Variants in SMARCC1 observed in about 807,000 individuals in gnomAD.
SMARCC1 encodes SWI/SNF related BAF chromatin remodeling complex subunit C1.
SMARCC1 carries 43 observed loss-of-function variants against 147.4 expected under a neutral mutation model. The ratio of observed to expected loss-of-function variants is 0.29; its 90% CI spans 0.23 to 0.38. The LOEUF is 0.38. SMARCC1 is among the 10% of genes least tolerant of loss of function. The pLI is 1.00. For missense variants in SMARCC1, 1,119 were observed against 1,381.1 expected (o/e 0.81, Z 3.01); for synonymous variants, 495 against 484.4 (o/e 1.02, Z -0.29).
rs576566614 is a variant in SMARCC1 at position 47,744,736 on chromosome 3, T to A, written c.401+1172A>T. ...CCTGACAACCCCACAGCTCAGGACA[T>A]CACTAGTCCCAGTAACTGATGGAAA... On this transcript the variant is annotated intron_variant, in intron 3 of 27. Transcript: ENST00000254480. Among the ~76,000 whole-genome samples the A allele has an allele frequency of 8.6e-5, 13 of 151,914 alleles. No individual in the cohort carries two copies. The East Asian group carries it at 2.5e-3, about 29-fold the overall frequency.
chr3:47,751,212 T>C (rs2034624779), intron 2 of SMARCC1, among the ~76,000 whole-genome samples: 1 of 152,096 alleles, frequency 6.6e-6, no homozygotes, highest in African/African-American at 2.4e-5. Context: ...AAGTAACTTT[T>C]ATTCAGCCAC....
intron 3 of SMARCC1, among the ~76,000 whole-genome samples, chr3:47,744,366 A>T (rs187118808): frequency 6.6e-6 from 1 of 152,138 alleles, no homozygotes; most frequent in Non-Finnish European, 1.5e-5. Flanking sequence ...TCTGGACTCG[A>T]ACTCCTGACC....
chr3:47,715,697 G>A (rs556300957), intron 7 of SMARCC1, among the ~76,000 whole-genome samples: 1 of 152,256 alleles, frequency 6.6e-6, no homozygotes, highest in South Asian at 2.1e-4. Flanking sequence ...AAAACCTAAC[G>A]ATGGCTTGCC....
chr3:47,770,018 G>A (rs1401538830), intron 2 of SMARCC1, among the ~76,000 whole-genome samples: 1 of 151,784 alleles, frequency 6.6e-6, no homozygotes, highest in Non-Finnish European at 1.5e-5. Context: ...GAGGTCAGGA[G>A]ATTGAGGCCA....
chr3:47,639,286 T>C (rs978236484), intron 21 of SMARCC1, among the ~76,000 whole-genome samples: 1 of 152,206 alleles, frequency 6.6e-6, no homozygotes, highest in Admixed American at 6.5e-5. Context: ...GGATATCATT[T>C]TGGCTAGACA....
intron 18 of SMARCC1, among the ~76,000 whole-genome samples, chr3:47,671,267 G>T (rs1346249928): frequency 1.3e-5 from 2 of 149,208 alleles, no homozygotes; most frequent in East Asian, 4.0e-4. Context: ...ATTTGGATAT[G>T]TTATTTCTAT....
chr3:47,644,051 G>C (rs1199630845), intron 21 of SMARCC1, among the ~76,000 whole-genome samples: 1 of 152,160 alleles, frequency 6.6e-6, no homozygotes, highest in East Asian at 1.9e-4. Flanking sequence ...GCTGGGCATG[G>C]TGATACGGTG....
chr3:47,750,309 C>T (rs937217932), intron 2 of SMARCC1, among the ~76,000 whole-genome samples: 3 of 152,092 alleles, frequency 2.0e-5, no homozygotes, highest in African/African-American at 7.2e-5. Flanking sequence ...GTGGTGCACG[C>T]CTGTAGTCCC....
chr3:47,618,243 T>C lies in SMARCC1; in HGVS notation c.2781+3964A>G, dbSNP rs2032674618. Among the ~76,000 whole-genome samples, 3 of 152,160 alleles carry C rather than the reference T, an allele frequency of 2.0e-5. No homozygotes were observed. In the South Asian group the frequency reaches 6.2e-4, roughly 31 times the overall value. ...TGTGTGATCTGATTAGAAAGTAACA[T>C]TTTTTAAAAGTCAAAAAGCTGGACA... On this transcript the variant is annotated intron_variant, in intron 25 of 27. Transcript: ENST00000254480.
Position 47,689,440 on chromosome 3 carries a change from A to C in SMARCC1, c.1226-16T>G, listed in dbSNP as rs762714823. ...TCCTGCTCATCTGCAAAACCAAAAC[A>C]CACAATTCATTTTAAAAACAGGTAA... is the stretch of plus-strand genomic sequence containing the variant. On this transcript the variant is annotated splice_polypyrimidine_tract_variant and intron_variant, in intron 12 of 27. Transcript: ENST00000254480. 1 of 1,608,682 alleles carries C rather than the reference A, an allele frequency of 6.2e-7. No homozygotes were observed. The highest frequency in any genetic ancestry group is 1.1e-5 in the South Asian group (1 of 90,954).
At chr3:47,750,211 G>A (rs775494561) in intron 2 of SMARCC1, among the ~76,000 whole-genome samples, 2 of 151,664 alleles carry the variant, frequency 1.3e-5, no homozygotes, top group East Asian at 3.9e-4. Flanking sequence ...CAAGGTGGAC[G>A]GATCACAAGG....
intron 18 of SMARCC1, among the ~76,000 whole-genome samples, 185 bp downstream of exon 18, chr3:47,675,290 C>T (rs147732726): frequency 4.6e-5 from 7 of 152,196 alleles, no homozygotes; most frequent in African/African-American, 9.6e-5. Context: ...ATTTTCCCCT[C>T]GAATTTCTCT....
chr3:47,664,544 T>C (rs893815232), intron 19 of SMARCC1, among the ~76,000 whole-genome samples: 3 of 151,794 alleles, frequency 2.0e-5, no homozygotes, highest in African/African-American at 7.3e-5. Flanking sequence ...GTAAAAGGAG[T>C]CTCCGAGGGA....
intron 11 of SMARCC1, among the ~76,000 whole-genome samples, chr3:47,693,574 G>GT (rs577333937): frequency 6.6e-6 from 1 of 151,914 alleles, no homozygotes; most frequent in African/African-American, 2.4e-5. Context: ...TTCCACAAAA[G>GT]TTTTTTTTAT....
At chr3:47,588,884 C>G (rs1168787683) in intron 27 of SMARCC1, among the ~76,000 whole-genome samples, 1 of 152,074 alleles carries the variant, frequency 6.6e-6, no homozygotes, top group African/African-American at 2.4e-5. Context: ...ATTTTTGGCC[C>G]AAACTAGGTC....
chr3:47,721,968 T>C (rs1321298428), intron 6 of SMARCC1, among the ~76,000 whole-genome samples: 1 of 152,156 alleles, frequency 6.6e-6, no homozygotes, highest in Non-Finnish European at 1.5e-5. Flanking sequence ...CAATGGGCTA[T>C]TAATAAGTAC....
At chr3:47,720,330 G>A (rs1448049941) in intron 7 of SMARCC1, among the ~76,000 whole-genome samples, 6 of 151,614 alleles carry the variant, frequency 4.0e-5, no homozygotes, top group African/African-American at 1.5e-4. Flanking sequence ...TCACTATGTT[G>A]ACCAGGCTGG....
At chr3:47,778,034 C>G (rs1373820462) in intron 1 of SMARCC1, among the ~76,000 whole-genome samples, 1 of 150,818 alleles carries the variant, frequency 6.6e-6, no homozygotes, top group Non-Finnish European at 1.5e-5. Flanking sequence ...GGTGAAACCC[C>G]AGCTCTACTA....
At chr3:47,664,883 C>T (rs1357165962) in intron 19 of SMARCC1, among the ~76,000 whole-genome samples, 1 of 152,194 alleles carries the variant, frequency 6.6e-6, no homozygotes, top group East Asian at 1.9e-4. Context: ...AATGCTCCAA[C>T]TGAAAAACCT....
Sources: allele counts gnomAD v4.1 joint callset (sites outside exome capture counted in the v4.1 genomes callset), GRCh38; gene constraint gnomAD v4.1.1; transcripts MANE v1.5; gene names NCBI Gene and HGNC (gene_info 2026-07-23, HGNC 2026-07-21).